Variants in DZIP1 observed in about 807,000 individuals in gnomAD.
The protein encoded by DZIP1 is cilium assembly protein DZIP1.
Under a neutral mutation model 107.6 loss-of-function variants are expected in DZIP1, and 97 were observed. The observed-to-expected ratio is 0.90, with a 90% confidence interval of 0.77 to 1.07. The LOEUF is 1.07. DZIP1 is among the 50% of genes least tolerant of loss of function. The pLI is 0.00. For missense variants in DZIP1, 1,035 were observed against 1,063.6 expected (o/e 0.97, Z 0.37); for synonymous variants, 390 against 386.4 (o/e 1.01, Z -0.11).
intron 14 of DZIP1, among the ~76,000 whole-genome samples, chr13:95,604,568 G>A (rs2044717442): frequency 2.0e-5 from 3 of 152,234 alleles, no homozygotes; most frequent in Admixed American, 2.0e-4. Context: ...AGTGAGGGTA[G>A]GGTCCCCATG....
chr13:95,638,827 T>TATGAGA (rs1480162479), intron 5 of DZIP1, among the ~76,000 whole-genome samples: 2 of 152,192 alleles, frequency 1.3e-5, no homozygotes, highest in Non-Finnish European at 2.9e-5. Context: ...AGAGAAGTGG[T>TATGAGA]ATGAGAATGA....
chr13:95,594,623 G>C (rs1323239638), intron 15 of DZIP1, among the ~76,000 whole-genome samples: 7 of 151,974 alleles, frequency 4.6e-5, no homozygotes, highest in Admixed American at 4.6e-4. Context: ...AACATAGCGA[G>C]ATCCCATTTC....
intron 5 of DZIP1, among the ~76,000 whole-genome samples, chr13:95,634,516 A>T (rs1182852955): frequency 6.6e-6 from 1 of 152,374 alleles, no homozygotes; most frequent in East Asian, 1.9e-4. Context: ...GCTTGGAAGT[A>T]TAACCTATTA....
chr13:95,620,036 A>C, intron 9 of DZIP1, 89 bp from the exon 10 acceptor site: 1 of 1,371,600 alleles, frequency 7.3e-7, no homozygotes, highest in Non-Finnish European at 1.0e-6. Flanking sequence ...AATACCTATG[A>C]AACCCAACTA....
chr13:95,622,451 C>A lies in DZIP1; in HGVS notation c.1002G>T (p.Met334Ile). 6.2e-7 allele frequency: 1 copy of A among 1,614,184 alleles called. No individual in the cohort carries two copies. Among genetic ancestry groups the A allele is most frequent in the Non-Finnish European group, 8.5e-7 (1 of 1,180,030 alleles). The change falls in exon 9 of 23, where the codon ATG becomes ATT. Residue 334 changes from methionine (M) to isoleucine (I), a missense_variant. Met to Ile is a conservative substitution (Grantham distance 10). Transcript: ENST00000376829. ...ATGTGCCTATGTTGGACTTGATCTG[C>A]ATATTGGACTTCTGGATTTCTGACA... ...YQLSEIQKSN[M>I]QIKSNIGTLK...
rs966557279 is a variant in DZIP1, at chr13:95,631,380, T to A, written c.686-1267A>T. 4.0e-5 allele frequency among the ~76,000 whole-genome samples: 6 copies of A among 151,766 alleles called. No homozygotes were observed. In the East Asian group the frequency reaches 1.2e-3, roughly 29 times the overall value. Reference sequence around the variant, plus strand: ...TACTTGGGAGGCTGAAGCAACGGAATCACTTGAACCCAGGAGAAGGAGGTT... The same window carrying A: ...TACTTGGGAGGCTGAAGCAACGGAAACACTTGAACCCAGGAGAAGGAGGTT... On this transcript the variant is annotated intron_variant, in intron 6 of 22. Coordinates refer to ENST00000376829, the MANE Select transcript of DZIP1 (RefSeq NM_198968.4).
intron 8 of DZIP1, 152 bp from the exon 9 acceptor site, chr13:95,622,632 C>T: frequency 1.2e-6 from 1 of 803,684 alleles, no homozygotes; most frequent in South Asian, 1.8e-5. Flanking sequence ...GCTTCTGCTT[C>T]CCTGTGGTTT....
At chr13:95,584,161 GA>G (rs1269843439) in intron 22 of DZIP1, among the ~76,000 whole-genome samples, 1 of 151,472 alleles carries the variant, frequency 6.6e-6, no homozygotes, top group African/African-American at 2.4e-5. Flanking sequence ...ATTTTTAGCA[GA>G]GACAGCGTTT....
chr13:95,617,838 A>G, intron 10 of DZIP1: 1 of 506,304 alleles, frequency 2.0e-6, no homozygotes, highest in Non-Finnish European at 4.0e-6. Flanking sequence ...AGGCTTAGTT[A>G]ATGCAGGGCA....
chr13:95,613,985 G>A (rs1008555751), intron 10 of DZIP1, among the ~76,000 whole-genome samples: 2 of 152,108 alleles, frequency 1.3e-5, no homozygotes, highest in African/African-American at 4.8e-5. Flanking sequence ...ATTAAGCTAG[G>A]TGTGGTGGGG....
intron 7 of DZIP1, among the ~76,000 whole-genome samples, chr13:95,629,780 T>A (rs911214659): frequency 2.0e-5 from 3 of 152,200 alleles, no homozygotes; most frequent in African/African-American, 7.2e-5. Context: ...TCCACCCCAA[T>A]TTTCTAAAAG....
At chr13:95,616,350 T>C (rs74109020) in intron 10 of DZIP1, among the ~76,000 whole-genome samples, 2,749 of 152,266 alleles carry the variant, frequency 0.018, 77 homozygotes, top group African/African-American at 0.062. Flanking sequence ...ACAATCAGCC[T>C]TTCTCCATCT....
chr13:95,600,629 T>TAGACAGAC (rs1555306626), intron 14 of DZIP1, among the ~76,000 whole-genome samples: 1,547 of 147,504 alleles, frequency 0.01, 24 homozygotes, highest in African/African-American at 0.028. Flanking sequence ...GATAGATAGA[T>TAGACAGAC]AGACAGACAG....
intron 5 of DZIP1, among the ~76,000 whole-genome samples, chr13:95,638,782 C>T (rs1284569159): frequency 1.3e-5 from 2 of 152,054 alleles, no homozygotes; most frequent in Admixed American, 1.3e-4. Context: ...CTACTCAGTT[C>T]TTATGATTTC....
Position 95,620,393 on chromosome 13 carries a change from G to A in DZIP1, c.1111-446C>T, listed in dbSNP as rs370006405. Reference sequence around the variant, plus strand: ...TTTCTTTATAAATTACCCAGTCTTAGGTAATTCTTTACAGTAGTATTAGAA... The same window carrying A: ...TTTCTTTATAAATTACCCAGTCTTAAGTAATTCTTTACAGTAGTATTAGAA... On this transcript the variant is annotated intron_variant, in intron 9 of 22. Coordinates refer to ENST00000376829, the MANE Select transcript of DZIP1 (RefSeq NM_198968.4). 9.2e-5 allele frequency among the ~76,000 whole-genome samples: 14 copies of A among 152,218 alleles called. No individual in the cohort carries two copies. In the South Asian group the frequency reaches 2.7e-3, roughly 29 times the overall value.
intron 12 of DZIP1, 116 bp downstream of exon 12, chr13:95,611,329 C>T (rs1300877340): frequency 2.6e-6 from 2 of 760,270 alleles, no homozygotes; most frequent in Non-Finnish European, 2.3e-6. Flanking sequence ...GAAATCAATA[C>T]AACAAGAAGA....
At chr13:95,638,850 A>C (rs1878147927) in intron 5 of DZIP1, among the ~76,000 whole-genome samples, 1 of 152,218 alleles carries the variant, frequency 6.6e-6, no homozygotes, top group Non-Finnish European at 1.5e-5. Flanking sequence ...ATGAGACCAC[A>C]ATTTCTCAAA....
At chr13:95,615,505 A>G (rs369331551) in intron 10 of DZIP1, among the ~76,000 whole-genome samples, 1 of 152,224 alleles carries the variant, frequency 6.6e-6, no homozygotes, top group Non-Finnish European at 1.5e-5. Context: ...TCCAAAATCC[A>G]TGTGTTCCAG....
At chr13:95,618,248 G>A (rs545663143) in intron 10 of DZIP1, among the ~76,000 whole-genome samples, 1 of 152,282 alleles carries the variant, frequency 6.6e-6, no homozygotes, top group Admixed American at 6.5e-5. Context: ...CTGAGGGCAG[G>A]CATTGTTCCA....
Sources: gnomAD v4.1 joint callset for allele counts (sites outside exome capture counted in the v4.1 genomes callset) on GRCh38, gnomAD v4.1.1 for gene constraint, MANE v1.5 for transcripts, NCBI Gene and HGNC (gene_info 2026-07-23, HGNC 2026-07-21) for gene names.